Variants in ASIC2 observed in about 807,000 individuals in gnomAD.
The protein encoded by ASIC2 is acid sensing ion channel subunit 2, also known as acid-sensing ion channel 2.
ASIC2 carries 25 observed loss-of-function variants against 57.3 expected under a neutral mutation model. That is an observed-to-expected ratio of 0.44 (90% CI 0.32 to 0.61). The LOEUF is 0.61. ASIC2 is among the 20% of genes least tolerant of loss of function. The pLI is 0.06. For synonymous variants in ASIC2, 319 were observed against 307.5 expected, an observed-to-expected ratio of 1.04 and a Z score of -0.39; for missense variants, 641 against 738.1, an observed-to-expected ratio of 0.87 and a Z score of 1.52.
intron 2 of ASIC2, among the ~76,000 whole-genome samples, chr17:33,093,045 CACA>C (rs984561287): frequency 3.4e-4 from 52 of 152,252 alleles, no homozygotes; most frequent in African/African-American, 1.0e-3. Context: ...GGGCTGCACA[CACA>C]ACAACAACAC....
chr17:34,068,839 G>A (rs966478530), intron 1 of ASIC2, among the ~76,000 whole-genome samples: 18 of 152,222 alleles, frequency 1.2e-4, no homozygotes, highest in Admixed American at 7.8e-4. Context: ...GCAGGTGGTG[G>A]CTGTCTTCCC....
intron 1 of ASIC2, among the ~76,000 whole-genome samples, chr17:33,765,486 C>T (rs1910908868): frequency 6.6e-6 from 1 of 152,142 alleles, no homozygotes; most frequent in African/African-American, 2.4e-5. Flanking sequence ...CCCTTCCTAC[C>T]CACCCAAAGA....
At chr17:33,277,943 CCACAGT>C (rs1469242857) in intron 1 of ASIC2, among the ~76,000 whole-genome samples, 1 of 152,162 alleles carries the variant, frequency 6.6e-6, no homozygotes, top group African/African-American at 2.4e-5. Flanking sequence ...CCAGATGTAC[CCACAGT>C]ACAAAGAACA....
intron 1 of ASIC2, among the ~76,000 whole-genome samples, chr17:34,053,263 C>T (rs959996418): frequency 3.3e-5 from 5 of 152,186 alleles, no homozygotes; most frequent in Non-Finnish European, 7.3e-5. Flanking sequence ...AATGCGTCCA[C>T]AGGCATTTTA....
intron 2 of ASIC2, among the ~76,000 whole-genome samples, chr17:33,106,075 G>C (rs755640477): frequency 6.6e-6 from 1 of 152,192 alleles, no homozygotes; most frequent in Non-Finnish European, 1.5e-5. Flanking sequence ...GAGGCAGTGA[G>C]TCATGTGGAT....
At chr17:33,708,600 T>C (rs1335594218) in intron 1 of ASIC2, among the ~76,000 whole-genome samples, 1 of 152,186 alleles carries the variant, frequency 6.6e-6, no homozygotes, top group Non-Finnish European at 1.5e-5. Context: ...TCTTTCCAAG[T>C]GCAGGTATGT....
intron 1 of ASIC2, among the ~76,000 whole-genome samples, chr17:33,141,415 A>T (rs1904317778): frequency 6.6e-6 from 1 of 152,228 alleles, no homozygotes; most frequent in Admixed American, 6.5e-5. Context: ...AAAACTGGGG[A>T]GAGGAAGGAG....
At chr17:33,087,337 G>A (rs2092138185) in intron 3 of ASIC2, among the ~76,000 whole-genome samples, 1 of 151,860 alleles carries the variant, frequency 6.6e-6, no homozygotes, top group Non-Finnish European at 1.5e-5. Context: ...TCCCTTTTCT[G>A]CTTGCATCAC....
chr17:34,112,100 T>C (rs938995493), intron 1 of ASIC2, among the ~76,000 whole-genome samples: 1 of 152,138 alleles, frequency 6.6e-6, no homozygotes, highest in African/African-American at 2.4e-5. Context: ...AAAGTTGTAT[T>C]TGAAGAAAGA....
intron 1 of ASIC2, among the ~76,000 whole-genome samples, chr17:33,787,977 A>G (rs529120231): frequency 8.9e-4 from 136 of 152,328 alleles, no homozygotes; most frequent in African/African-American, 3.2e-3. Context: ...AACGTAGGCA[A>G]TACTATTCAG....
intron 1 of ASIC2, among the ~76,000 whole-genome samples, chr17:33,604,034 C>T (rs1433067945): frequency 2.0e-5 from 3 of 152,196 alleles, no homozygotes; most frequent in African/African-American, 7.2e-5. Context: ...CATGGCCCTA[C>T]CTAGCTGCAA....
chr17:33,093,761 G>A (rs560164452), intron 2 of ASIC2, among the ~76,000 whole-genome samples: 11 of 152,282 alleles, frequency 7.2e-5, no homozygotes, highest in African/African-American at 1.2e-4. Context: ...AATGCATAAC[G>A]GGGCAGGGAA....
rs1400288034 is a variant in ASIC2 at position 33,236,839 on chromosome 17, C to A, written c.708+54569G>T. ...ACTGCCTTGTACAACTCAAGGAACT[C>A]CTGCAGCCACCAGAAGCTGGAAATC... On this transcript the variant is annotated intron_variant, in intron 1 of 9. Coordinates refer to ENST00000225823, the MANE Select transcript of ASIC2 (RefSeq NM_183377.2). Among the ~76,000 whole-genome samples, 4 of 152,250 alleles carry A rather than the reference C, an allele frequency of 2.6e-5. No homozygotes were observed. The East Asian group carries it at 7.7e-4, about 29-fold the overall frequency.
chr17:33,703,337 CTGTTGTTGT>C (rs201321581), intron 1 of ASIC2, among the ~76,000 whole-genome samples: 25 of 127,478 alleles, frequency 2.0e-4, no homozygotes, highest in African/African-American at 6.9e-4. Context: ...TTTTTTGTTG[CTGTTGTTGT>C]TGTTGTTGTT....
At chr17:34,114,237 G>A (rs1911363934) in intron 1 of ASIC2, among the ~76,000 whole-genome samples, 1 of 152,178 alleles carries the variant, frequency 6.6e-6, no homozygotes, top group Admixed American at 6.5e-5. Flanking sequence ...ACCTGAACAG[G>A]ATTAGGAAAA....
chr17:33,283,305 A>G (rs9899455), intron 1 of ASIC2, among the ~76,000 whole-genome samples: 22,796 of 151,248 alleles, frequency 0.15, 1,995 homozygotes, highest in East Asian at 0.39. Flanking sequence ...AGGAGCCCAC[A>G]GCCCTGTCTC....
intron 1 of ASIC2, among the ~76,000 whole-genome samples, chr17:33,390,754 G>A (rs912921425): frequency 4.6e-5 from 7 of 152,226 alleles, no homozygotes; most frequent in East Asian, 1.9e-4. Flanking sequence ...GCGTCAGAGC[G>A]CACGGGACAT....
At chr17:33,404,424 A>G (rs950573209) in intron 1 of ASIC2, among the ~76,000 whole-genome samples, 2 of 152,256 alleles carry the variant, frequency 1.3e-5, no homozygotes, top group Admixed American at 1.3e-4. Flanking sequence ...GGGCTCAGAC[A>G]ACACTTTCAG....
At chr17:33,302,792 G>C (rs1338497623) in intron 1 of ASIC2, among the ~76,000 whole-genome samples, 1 of 152,212 alleles carries the variant, frequency 6.6e-6, no homozygotes, top group Non-Finnish European at 1.5e-5. Flanking sequence ...AGGCAGGGGA[G>C]GGAAGGAAGT....
Sources: gnomAD v4.1 joint callset for allele counts (sites outside exome capture counted in the v4.1 genomes callset) on GRCh38, gnomAD v4.1.1 for gene constraint, MANE v1.5 for transcripts, NCBI Gene and HGNC (gene_info 2026-07-23, HGNC 2026-07-21) for gene names.